FBXO31: variants seen among roughly 807,000 people sequenced by gnomAD.
FBXO31 encodes F-box only protein 31.
In FBXO31, 24 loss-of-function variants were observed where a neutral mutation model predicts 54.4. The observed-to-expected ratio is 0.44, with a 90% CI of 0.32 to 0.62. The LOEUF is 0.62. Ranked by LOEUF, FBXO31 falls within the 20% of genes least tolerant of loss-of-function variation. FBXO31 has a pLI of 0.05. For missense variants in FBXO31, 665 were observed against 787.1 expected (o/e 0.84, Z 1.86); for synonymous variants, 388 against 335.6 (o/e 1.16, Z -1.71).
chr16:87,372,705 C>T (rs1387778098), intron 1 of FBXO31, among the ~76,000 whole-genome samples: 2 of 150,560 alleles, frequency 1.3e-5, no homozygotes, highest in South Asian at 2.1e-4. Flanking sequence ...GGGCCACAGG[C>T]GTGTGCCACC....
At position 87,343,762 on chromosome 16, in the gene FBXO31, C is replaced by T; in HGVS notation, c.493G>A (p.Asp165Asn). The T allele has an allele frequency of 6.2e-7, 1 of 1,614,156 alleles. No homozygotes were observed. Among genetic ancestry groups the T allele is most frequent in the Non-Finnish European group, 8.5e-7 (1 of 1,180,010 alleles). The change falls in exon 4 of 9, where the codon GAC (aspartate) becomes AAC (asparagine). Residue 165 changes from aspartate (D) to asparagine (N), a missense_variant. Around this residue, in one of 4 missense-constraint regions of FBXO31, gnomAD observed 234 missense variants for 346.8 expected, o/e 0.67. Coordinates refer to ENST00000311635, the MANE Select transcript of FBXO31 (RefSeq NM_024735.5). ...PYGGLLNVVV[D>N]GLFIIGWMYL... ...ATCCACCCGATGATGAACAGGCCGT[C>T]CACCTACAGGAGGAGATGGGCAAAG...
At chr16:87,379,296 CTG>C (rs1906968303) in intron 1 of FBXO31, among the ~76,000 whole-genome samples, 1 of 152,128 alleles carries the variant, frequency 6.6e-6, no homozygotes, top group Non-Finnish European at 1.5e-5. Context: ...CGCAAACCTT[CTG>C]AAAGGTGGGA....
chr16:87,340,332 A>T (rs556761084), intron 5 of FBXO31, among the ~76,000 whole-genome samples: 1 of 152,240 alleles, frequency 6.6e-6, no homozygotes, highest in Non-Finnish European at 1.5e-5. Context: ...TGGTACTGAC[A>T]TGTGGACAGA....
At chr16:87,381,593 G>C (rs756121413) in intron 1 of FBXO31, among the ~76,000 whole-genome samples, 1 of 152,158 alleles carries the variant, frequency 6.6e-6, no homozygotes, top group African/African-American at 2.4e-5. Flanking sequence ...AATTTATGAC[G>C]AACTCTGTCC....
At chr16:87,332,865 A>G (rs2037170308) in intron 8 of FBXO31, among the ~76,000 whole-genome samples, 1 of 152,220 alleles carries the variant, frequency 6.6e-6, no homozygotes, top group Non-Finnish European at 1.5e-5. Context: ...GTAACTTGAC[A>G]ATGGCAGAAT....
At chr16:87,343,822 G>GCCCCGCACGGCT (rs1905271367) in intron 3 of FBXO31, 57 bp from the exon 4 acceptor site, 1 of 1,583,164 alleles carries the variant, frequency 6.3e-7, no homozygotes, top group Non-Finnish European at 8.6e-7. Context: ...AGCAAGGGCG[G>GCCCCGCACGGCT]CCCCGCACGG....
intron 5 of FBXO31, among the ~76,000 whole-genome samples, chr16:87,341,270 G>C (rs1344228848): frequency 1.3e-5 from 2 of 152,192 alleles, no homozygotes; most frequent in Non-Finnish European, 2.9e-5. Flanking sequence ...AAAGTATATA[G>C]TACCAGAAAT....
At position 87,336,823 on chromosome 16, in the gene FBXO31, G is replaced by A. The variant is rs556091713; in HGVS notation, c.733-559C>T. 3.4e-4 allele frequency among the ~76,000 whole-genome samples: 52 copies of A among 152,232 alleles called. No individual in the cohort carries two copies. Among genetic ancestry groups the A allele is most frequent in the African/African-American group, 1.3e-3 (52 of 41,540 alleles). On this transcript the variant is annotated intron_variant, in intron 5 of 8. Transcript: ENST00000311635. The surrounding 1 kb of genome is among the most constrained non-coding windows in gnomAD (Gnocchi z 6.5). ...TGTTAAGGCGGTTCCCAAAAACTCC[G>A]CAGCCCCACCAGTCCGCCCTGCATT...
At chr16:87,382,232 C>T (rs1396102380) in intron 1 of FBXO31, among the ~76,000 whole-genome samples, 1 of 152,218 alleles carries the variant, frequency 6.6e-6, no homozygotes, top group Non-Finnish European at 1.5e-5. Context: ...GCATTGTTTA[C>T]ACTACACTGT....
intron 1 of FBXO31, among the ~76,000 whole-genome samples, chr16:87,377,518 GA>G (rs1906875686): frequency 6.6e-6 from 1 of 152,124 alleles, no homozygotes; most frequent in South Asian, 2.1e-4. Context: ...TAGACAATGA[GA>G]AAATGTTTTT....
chr16:87,351,864 G>A (rs1054169750), intron 2 of FBXO31, among the ~76,000 whole-genome samples: 3 of 152,094 alleles, frequency 2.0e-5, no homozygotes, highest in African/African-American at 7.2e-5. Flanking sequence ...CCGAGACTCT[G>A]TCTCAACAAC....
chr16:87,380,143 C>A (rs902815401), intron 1 of FBXO31, among the ~76,000 whole-genome samples: 3 of 151,110 alleles, frequency 2.0e-5, no homozygotes, highest in Admixed American at 2.0e-4. Flanking sequence ...ACTAAAAATA[C>A]AAAAATTAGC....
At position 87,335,313 on chromosome 16, in the gene FBXO31, G is replaced by C. The variant is rs536118734; in HGVS notation, c.987C>G (p.Thr329=). The change falls in exon 7 of 9, where the codon ACC becomes ACG. Residue 329 remains threonine, a synonymous_variant. Coordinates refer to ENST00000311635, the MANE Select transcript of FBXO31 (RefSeq NM_024735.5). The surrounding 1 kb of genome is among the most constrained non-coding windows in gnomAD (Gnocchi z 5.7). ...LSFHGRRARG[T]KITGDPNIPA... ...GTCAGCCGCCACTCACCGTGATCTT[G>C]GTGCCCCTGGCACGCCGGCCGTGGA... The C allele has an allele frequency of 1.2e-6, 2 of 1,613,704 alleles. No individual in the cohort carries two copies. The highest frequency in any genetic ancestry group is 3.3e-5 in the Admixed American group (2 of 60,032).
At chr16:87,357,469 C>A (rs1372167146) in intron 2 of FBXO31, among the ~76,000 whole-genome samples, 9 of 151,634 alleles carry the variant, frequency 5.9e-5, no homozygotes. Context: ...CCTGGGATTA[C>A]AAGCACACGC....
chr16:87,368,204 G>T (rs1384493553), intron 1 of FBXO31, among the ~76,000 whole-genome samples: 1 of 152,160 alleles, frequency 6.6e-6, no homozygotes, highest in Non-Finnish European at 1.5e-5. Context: ...TCCTTAGTGG[G>T]TTTTTCCTAC....
At chr16:87,365,037 A>ATC (rs1906304865) in intron 1 of FBXO31, among the ~76,000 whole-genome samples, 1 of 106,892 alleles carries the variant, frequency 9.4e-6, no homozygotes, top group Non-Finnish European at 2.0e-5. Flanking sequence ...ATATATATAT[A>ATC]TATCAGGCAG....
chr16:87,353,728 G>A (rs969328943), intron 2 of FBXO31, among the ~76,000 whole-genome samples: 1 of 151,924 alleles, frequency 6.6e-6, no homozygotes, highest in African/African-American at 2.4e-5. Flanking sequence ...CAGGGCCCCA[G>A]ACACCTTGTC....
At chr16:87,380,441 AC>A (rs1343518455) in intron 1 of FBXO31, among the ~76,000 whole-genome samples, 2 of 151,588 alleles carry the variant, frequency 1.3e-5, no homozygotes, top group Admixed American at 1.3e-4. Context: ...TCACTCTGTC[AC>A]CCGGACTGGA....
chr16:87,360,699 T>C (rs559628613), intron 1 of FBXO31, among the ~76,000 whole-genome samples: 2 of 152,372 alleles, frequency 1.3e-5, no homozygotes, highest in South Asian at 4.1e-4. Flanking sequence ...TTCAGTTGTC[T>C]GGACACAGTG....
Sources: allele counts gnomAD v4.1 joint callset (sites outside exome capture counted in the v4.1 genomes callset), GRCh38; gene constraint gnomAD v4.1.1; regional missense constraint gnomAD v4.1.1; non-coding constraint Gnocchi (gnomAD v3.1); transcripts MANE v1.5; gene names NCBI Gene and HGNC (gene_info 2026-07-23, HGNC 2026-07-21).